The following DCUN1D2 variants were observed in gnomAD, a reference collection of about 807,000 sequenced individuals.
The protein encoded by DCUN1D2 is defective in cullin neddylation 1 domain containing 2, also known as DCN1-like protein 2.
Under a neutral mutation model 30.9 loss-of-function variants are expected in DCUN1D2, and 29 were observed. That is an observed-to-expected ratio of 0.94 (90% CI 0.70 to 1.28). The LOEUF is 1.28. Ranked by LOEUF, DCUN1D2 falls within the 50% of genes most tolerant of loss-of-function variation. DCUN1D2 has a pLI of 0.00. For missense variants in DCUN1D2, 325 were observed against 316.9 expected (o/e 1.03, Z -0.19); for synonymous variants, 121 against 115.3 (o/e 1.05, Z -0.32).
intron 5 of DCUN1D2, among the ~76,000 whole-genome samples, 156 bp downstream of exon 5, chr13:113,460,898 A>T (rs2044307920): frequency 1.3e-5 from 2 of 152,220 alleles, no homozygotes; most frequent in Admixed American, 1.3e-4. Context: ...GACAGAGCCA[A>T]GTGGCAACCT....
intron 3 of DCUN1D2, among the ~76,000 whole-genome samples, chr13:113,478,026 T>G (rs1231714076): frequency 6.6e-6 from 1 of 152,274 alleles, no homozygotes; most frequent in Non-Finnish European, 1.5e-5. Context: ...TCAAATGTTC[T>G]TCCTTGGTTT....
intron 3 of DCUN1D2, among the ~76,000 whole-genome samples, chr13:113,479,722 CAAAAAA>C (rs2044674887): frequency 6.6e-6 from 1 of 151,826 alleles, no homozygotes; most frequent in African/African-American, 2.4e-5. Flanking sequence ...GACTCCATCT[CAAAAAA>C]CAAACAAACA....
rs1594120676 is a variant in DCUN1D2 at position 113,480,608 on chromosome 13, C to T, written c.356G>A (p.Arg119Lys). The T allele has an allele frequency of 1.9e-6, 3 of 1,614,100 alleles. No homozygotes were observed. The highest frequency in any genetic ancestry group is 2.5e-6 in the Non-Finnish European group (3 of 1,180,002). ...FRAATQCEFS[R>K]KEFLDGMTEL... ...TGTCATGCCATCTAGAAATTCCTTT[C>T]TGCTAAATTCACACTGAGTTGCTGC... The change falls in exon 3 of 7, where the codon AGA becomes AAA. Residue 119 changes from arginine (R) to lysine (K), a missense_variant. Arg to Lys is a conservative substitution (Grantham distance 26). Transcript: ENST00000478244.
In DCUN1D2 at chr13:113,480,613, A is replaced by G; in HGVS notation, c.351T>C (p.Phe117=). The G allele has an allele frequency of 6.2e-7, 1 of 1,614,146 alleles. No individual in the cohort carries two copies. The highest frequency in any genetic ancestry group is 8.5e-7 in the Non-Finnish European group (1 of 1,180,018). ...WKFRAATQCE[F]SRKEFLDGMT... ...TGCCATCTAGAAATTCCTTTCTGCTAAATTCACACTGAGTTGCTGCCCTGA... is the reference window on the plus strand; with the variant it reads ...TGCCATCTAGAAATTCCTTTCTGCTGAATTCACACTGAGTTGCTGCCCTGA... Residue 117 remains phenylalanine (F), a synonymous_variant, in exon 3 of 7, where the codon TTT becomes TTC. Coordinates refer to ENST00000478244, the MANE Select transcript of DCUN1D2 (RefSeq NM_001014283.2).
At chr13:113,461,961 T>A (rs2044325302) in intron 4 of DCUN1D2, among the ~76,000 whole-genome samples, 2 of 152,210 alleles carry the variant, frequency 1.3e-5, no homozygotes, top group Admixed American at 1.3e-4. Context: ...TCTATTTTTT[T>A]AAAGTGACCG....
At chr13:113,458,243 G>GAA (rs1595563438) in intron 6 of DCUN1D2, 135 bp from the exon 7 acceptor site, 2 of 787,772 alleles carry the variant, frequency 2.5e-6, no homozygotes, top group East Asian at 5.0e-5. Context: ...GTGTTTCACA[G>GAA]AATGAACCAG....
chr13:113,490,996 A>C (rs1159754614), upstream of DCUN1D2: 4 of 171,540 alleles, frequency 2.3e-5, no homozygotes, highest in Non-Finnish European at 3.7e-5. This position sits in a 1 kb window ranked among gnomAD's most constrained non-coding sequence, Gnocchi z 5.2. Flanking sequence ...CCGCCTCTTA[A>C]AGGGGGCAGT....
At chr13:113,477,410 A>G (rs2044635989) in intron 3 of DCUN1D2, among the ~76,000 whole-genome samples, 1 of 133,116 alleles carries the variant, frequency 7.5e-6, no homozygotes, top group South Asian at 2.2e-4. Context: ...TAGATTTTAC[A>G]TGTTACCGTT....
In DCUN1D2 at chr13:113,488,553, G is replaced by C. The variant is rs549415211; in HGVS notation, c.3+2114C>G. Among the ~76,000 whole-genome samples, 231 of 152,332 alleles carry C rather than the reference G, an allele frequency of 1.5e-3. 1 individual carries two copies. The highest frequency in any genetic ancestry group is 5.1e-3 in the African/African-American group (210 of 41,572). ...AAGGCTCGTCAACTAAAAAACTACA[G>C]GGGAGAGAAGGAAGCCGAGTCCCTC... is the stretch of plus-strand genomic sequence containing the variant. On this transcript the variant is annotated intron_variant, in intron 1 of 6. Coordinates refer to ENST00000478244, the MANE Select transcript of DCUN1D2 (RefSeq NM_001014283.2). This position sits in a 1 kb window ranked among gnomAD's most constrained non-coding sequence, Gnocchi z 4.3.
intron 3 of DCUN1D2, among the ~76,000 whole-genome samples, chr13:113,477,658 T>C (rs1006816453): frequency 6.6e-6 from 1 of 152,134 alleles, no homozygotes; most frequent in Non-Finnish European, 1.5e-5. Flanking sequence ...TTTTTCCTTT[T>C]GGCCAGATTA....
At chr13:113,480,502 A>G (rs2044689318) in intron 3 of DCUN1D2, 73 bp downstream of exon 3, 1 of 1,533,730 alleles carries the variant, frequency 6.5e-7, no homozygotes, top group South Asian at 1.1e-5. Context: ...ATTAGTATGT[A>G]CAGGTTGCTG....
At chr13:113,471,141 AGACCCAACTCCACAGGG>A (rs1207271481) in intron 4 of DCUN1D2, among the ~76,000 whole-genome samples, 3 of 125,812 alleles carry the variant, frequency 2.4e-5, no homozygotes, top group South Asian at 2.9e-4. Flanking sequence ...ACTCCACAGA[AGACCCAACTCCACAGGG>A]GACCCAACTC....
chr13:113,490,512 C>T lies in DCUN1D2; in HGVS notation c.3+155G>A, dbSNP rs1333236481. On this transcript the variant is annotated intron_variant, in intron 1 of 6. Coordinates refer to ENST00000478244, the MANE Select transcript of DCUN1D2 (RefSeq NM_001014283.2). This position sits in a 1 kb window ranked among gnomAD's most constrained non-coding sequence, Gnocchi z 5.2. ...CCTCCGACGCCACCGCTCCGGCTCG[C>T]GGGCCCGCGGCGCGTTCCTCCCTCG... The T allele has an allele frequency of 2.4e-6, 2 of 821,814 alleles. No individual in the cohort carries two copies. The highest frequency in any genetic ancestry group is 3.2e-6 in the Non-Finnish European group (2 of 615,998). The allele number at this position is 821,814 out of a possible 1,614,324, so 50.9% of individuals were successfully genotyped here. A position where few individuals can be genotyped will look rare whatever the true frequency, so the allele number is the denominator to read the frequency against.
chr13:113,476,975 G>A (rs183034729), intron 3 of DCUN1D2, among the ~76,000 whole-genome samples: 33 of 152,272 alleles, frequency 2.2e-4, no homozygotes, highest in Admixed American at 8.5e-4. Flanking sequence ...CTTTCTGAGC[G>A]CTCCATTCTG....
intron 4 of DCUN1D2, among the ~76,000 whole-genome samples, chr13:113,465,691 C>T (rs2013419): frequency 0.45 from 65,935 of 146,668 alleles, 17,589 homozygotes; most frequent in African/African-American, 0.75. Context: ...TTTTTTAATA[C>T]GGTCTGGCTC....
At chr13:113,471,001 C>A (rs1049304080) in intron 4 of DCUN1D2, among the ~76,000 whole-genome samples, 2 of 150,624 alleles carry the variant, frequency 1.3e-5, no homozygotes, top group African/African-American at 4.9e-5. Context: ...CCCAACTCCA[C>A]AGGGGACCCA....
rs1281140701 is a variant in DCUN1D2, at chr13:113,474,121, C to T, written c.520+3G>A. The T allele has an allele frequency of 1.2e-6, 2 of 1,613,348 alleles. No individual in the cohort carries two copies. The highest frequency in any genetic ancestry group is 2.2e-5 in the East Asian group (1 of 44,872). On this transcript the variant is annotated splice_donor_region_variant and intron_variant, in intron 4 of 6. Coordinates refer to ENST00000478244, the MANE Select transcript of DCUN1D2 (RefSeq NM_001014283.2). ...ATTTTACGTATTTGGATTTCATACT[C>T]ACCTAAACCTTTCTGCCCTGGGTTC...
At chr13:113,491,054 G>A, upstream of DCUN1D2, 1 of 157,140 alleles carries the variant, frequency 6.4e-6, no homozygotes, top group African/African-American at 2.4e-5. Context: ...AGCGGGGGCG[G>A]TGCTGGGCAG....
At chr13:113,459,484 G>C (rs940800847) in intron 5 of DCUN1D2, 76 bp from the exon 6 acceptor site, 45 of 701,582 alleles carry the variant, frequency 6.4e-5, no homozygotes, top group Non-Finnish European at 9.2e-5. Context: ...TAGTGGCCTA[G>C]CGATCTTCAA....
Sources: gnomAD v4.1 joint callset for allele counts (sites outside exome capture counted in the v4.1 genomes callset) on GRCh38, gnomAD v4.1.1 for gene constraint, Gnocchi (gnomAD v3.1) non-coding constraint, MANE v1.5 for transcripts, NCBI Gene and HGNC (gene_info 2026-07-23, HGNC 2026-07-21) for gene names.